NAV3: variants seen among roughly 807,000 people sequenced by gnomAD.
The protein encoded by NAV3 is pore membrane and/or filament interacting like protein 1.
In NAV3, 87 loss-of-function variants were observed where a neutral mutation model predicts 244.7. The observed-to-expected ratio is 0.36, with a 90% CI of 0.30 to 0.42. NAV3 has a LOEUF of 0.42. NAV3 is among the 20% of genes least tolerant of loss of function. The pLI, the probability that NAV3 is intolerant of heterozygous loss-of-function variation, is 1.00. For missense variants in NAV3, 2,663 were observed against 2,893.3 expected, an observed-to-expected ratio of 0.92 and a Z score of 1.83; for synonymous variants, 1,126 against 1,042.2, an observed-to-expected ratio of 1.08 and a Z score of -1.55.
chr12:77,780,183 C>A (rs1315165309), intron 2 of NAV3, among the ~76,000 whole-genome samples: 2 of 152,090 alleles, frequency 1.3e-5, no homozygotes, highest in African/African-American at 4.8e-5. Flanking sequence ...GTAGACACTA[C>A]CTAGTCATTG....
chr12:77,863,506 A>C (rs1879564120), intron 1 of NAV3, among the ~76,000 whole-genome samples: 1 of 151,798 alleles, frequency 6.6e-6, no homozygotes, highest in Non-Finnish European at 1.5e-5. Flanking sequence ...AAACAAATAA[A>C]ATTCTCCTAT....
At chr12:77,579,097 T>C (rs1209590949) in intron 2 of NAV3, among the ~76,000 whole-genome samples, 2 of 152,294 alleles carry the variant, frequency 1.3e-5, no homozygotes, top group Admixed American at 1.3e-4. Flanking sequence ...AGAGTATGTG[T>C]ATGAATGTCT....
At chr12:77,607,621 G>A (rs1343131754) in intron 2 of NAV3, among the ~76,000 whole-genome samples, 1 of 152,032 alleles carries the variant, frequency 6.6e-6, no homozygotes, top group Non-Finnish European at 1.5e-5. Flanking sequence ...GGTGCTGATT[G>A]TGTATAAAAC....
At chr12:77,853,700 T>C (rs1387390457) in intron 1 of NAV3, among the ~76,000 whole-genome samples, 4 of 152,224 alleles carry the variant, frequency 2.6e-5, no homozygotes, top group African/African-American at 7.2e-5. Flanking sequence ...CCACATTTTG[T>C]GTCAGATGAT....
chr12:77,817,196 G>A lies in NAV3; in HGVS notation c.73-123123G>A, dbSNP rs553646280. The stretch of plus-strand genomic sequence containing the variant: ...GGGCTCAGATGCTGAGGAAGAAATG[G>A]CATCAATAAAATATAAATGGGAAAG... On this transcript the variant is annotated intron_variant, in intron 2 of 8. Coordinates refer to the NAV3 transcript ENST00000550042. Among the ~76,000 whole-genome samples the A allele has an allele frequency of 1.2e-4, 18 of 152,244 alleles. No individual in the cohort carries two copies. The East Asian group carries it at 2.5e-3, about 21-fold the overall frequency.
intron 2 of NAV3, among the ~76,000 whole-genome samples, chr12:77,763,279 C>T (rs187120914): frequency 3.9e-5 from 6 of 152,084 alleles, no homozygotes; most frequent in East Asian, 1.9e-4. Context: ...GGGCCATTAG[C>T]GTTAAAGAAA....
chr12:77,773,354 C>A (rs1031803770), intron 2 of NAV3, among the ~76,000 whole-genome samples: 2 of 151,952 alleles, frequency 1.3e-5, no homozygotes, highest in Admixed American at 1.3e-4. Flanking sequence ...GCAATATCAA[C>A]AATAACATCT....
chr12:77,994,718 A>G, intron 5 of NAV3, 85 bp from the exon 6 acceptor site: 1 of 1,037,272 alleles, frequency 9.6e-7, no homozygotes, highest in Non-Finnish European at 1.5e-6. Flanking sequence ...CATTTCATTA[A>G]TTCATAGTTT....
At chr12:77,589,035 A>G (rs951243401) in intron 2 of NAV3, among the ~76,000 whole-genome samples, 1 of 152,144 alleles carries the variant, frequency 6.6e-6, no homozygotes, top group South Asian at 2.1e-4. Context: ...AGAAGCTTCA[A>G]TCTCCATCAA....
intron 2 of NAV3, among the ~76,000 whole-genome samples, chr12:77,770,618 A>G (rs1388009774): frequency 6.6e-6 from 1 of 152,212 alleles, no homozygotes; most frequent in African/African-American, 2.4e-5. Context: ...GCACACCTAC[A>G]CCACAGCGTT....
intron 2 of NAV3, among the ~76,000 whole-genome samples, chr12:77,719,766 A>G (rs150120421): frequency 3.3e-5 from 5 of 152,130 alleles, no homozygotes; most frequent in Non-Finnish European, 7.4e-5. Context: ...TTTTCTTGTA[A>G]TGTCTTTGTC....
chr12:77,931,943 T>A (rs1472365561), intron 1 of NAV3, among the ~76,000 whole-genome samples: 2 of 151,892 alleles, frequency 1.3e-5, no homozygotes, highest in Non-Finnish European at 2.9e-5. Context: ...ATGCACATAG[T>A]TGTTAATGTC....
intron 2 of NAV3, among the ~76,000 whole-genome samples, chr12:77,778,885 G>A (rs551884214): frequency 5.9e-5 from 9 of 152,128 alleles, no homozygotes; most frequent in South Asian, 2.1e-4. Flanking sequence ...AGCTGAATCC[G>A]TTTGTTTAGT....
intron 3 of NAV3, among the ~76,000 whole-genome samples, chr12:77,945,882 G>A (rs1009953226): frequency 2.0e-5 from 3 of 151,432 alleles, no homozygotes; most frequent in Non-Finnish European, 4.4e-5. Context: ...CTGAGTAGCT[G>A]GGATTACAGG....
At chr12:77,834,342 A>G (rs1324792137) in intron 1 of NAV3, among the ~76,000 whole-genome samples, 1 of 152,210 alleles carries the variant, frequency 6.6e-6, no homozygotes, top group Non-Finnish European at 1.5e-5. Context: ...TGTGAGAAAA[A>G]TCAGTTAAAA....
rs369133880 is a variant in NAV3, at chr12:77,651,786, T to C, written c.72+79520T>C. On this transcript the variant is annotated intron_variant, in intron 2 of 8. Coordinates refer to the NAV3 transcript ENST00000550042. ...GTCATTAAATTGGTAACTCATGTAA[T>C]AGAAGTACAGCTGAAGATCCAGGCT... Among the ~76,000 whole-genome samples, 18 of 152,284 alleles carry C rather than the reference T, an allele frequency of 1.2e-4. No homozygotes were observed. In the East Asian group the frequency reaches 1.7e-3, roughly 15 times the overall value.
At chr12:78,057,266 T>C (rs1203410222) in intron 11 of NAV3, among the ~76,000 whole-genome samples, 1 of 152,222 alleles carries the variant, frequency 6.6e-6, no homozygotes, top group Non-Finnish European at 1.5e-5. Context: ...CCTAAAATTC[T>C]ACTTTAAGTC....
chr12:77,841,448 G>A (rs982967402), intron 1 of NAV3, among the ~76,000 whole-genome samples: 2 of 152,162 alleles, frequency 1.3e-5, no homozygotes. Flanking sequence ...ACTAGTTAAG[G>A]TAATGCTAAC....
intron 2 of NAV3, among the ~76,000 whole-genome samples, chr12:77,672,577 AG>A (rs1351371454): frequency 5.9e-5 from 9 of 152,042 alleles, no homozygotes; most frequent in Admixed American, 5.2e-4. Context: ...TATATGGCTG[AG>A]TAGTATTCCA....
Sources: gnomAD v4.1 joint callset for allele counts (sites outside exome capture counted in the v4.1 genomes callset) on GRCh38, gnomAD v4.1.1 for gene constraint, MANE v1.5 for transcripts, NCBI Gene and HGNC (gene_info 2026-07-23, HGNC 2026-07-21) for gene names.